Variants in NRG3 observed in about 807,000 individuals in gnomAD.
NRG3 encodes neuregulin 3, also known as pro-neuregulin-3, membrane-bound isoform.
Under a neutral mutation model 66.9 loss-of-function variants are expected in NRG3, and 31 were observed. The observed-to-expected ratio is 0.46, with a 90% confidence interval of 0.35 to 0.63. The LOEUF (loss-of-function observed/expected upper bound fraction) is 0.63. Among genes scored for constraint, NRG3 ranks in the 20% least tolerant of loss-of-function variants. The pLI is 0.00. For missense variants in NRG3, 910 were observed against 878.9 expected (o/e 1.04, Z -0.45); for synonymous variants, 393 against 359.4 (o/e 1.09, Z -1.06).
chr10:82,029,906 A>T (rs899998315), intron 1 of NRG3, among the ~76,000 whole-genome samples: 1 of 152,122 alleles, frequency 6.6e-6, no homozygotes, highest in Non-Finnish European at 1.5e-5. Flanking sequence ...AGGAATTATA[A>T]TTGGCCTTAG....
intron 1 of NRG3, among the ~76,000 whole-genome samples, chr10:82,202,560 C>T (rs1433911952): frequency 3.3e-5 from 5 of 151,888 alleles, no homozygotes; most frequent in African/African-American, 1.2e-4. Flanking sequence ...TTCTATTTTA[C>T]AAATTACACT....
intron 2 of NRG3, among the ~76,000 whole-genome samples, chr10:82,465,354 G>A (rs922570665): frequency 2.0e-5 from 3 of 152,142 alleles, no homozygotes; most frequent in African/African-American, 7.2e-5. Flanking sequence ...AATTCCAAGT[G>A]GGCCAATTTC....
chr10:82,654,577 A>G (rs527518124), intron 2 of NRG3, among the ~76,000 whole-genome samples: 63 of 152,370 alleles, frequency 4.1e-4, no homozygotes, highest in African/African-American at 1.5e-3. Flanking sequence ...CAAATAATTA[A>G]TAAGTGAATG....
At chr10:82,489,460 A>T (rs1189308114) in intron 2 of NRG3, among the ~76,000 whole-genome samples, 1 of 152,216 alleles carries the variant, frequency 6.6e-6, no homozygotes, top group Non-Finnish European at 1.5e-5. Flanking sequence ...CAAGAAAATC[A>T]GAGCCTGGGT....
intron 4 of NRG3, among the ~76,000 whole-genome samples, chr10:82,896,583 A>G (rs1169575696): frequency 6.6e-6 from 1 of 152,254 alleles, no homozygotes. Context: ...ACATGAAAAT[A>G]AATGTGAACA....
At chr10:82,289,620 A>T (rs1480153868) in intron 1 of NRG3, among the ~76,000 whole-genome samples, 1 of 152,160 alleles carries the variant, frequency 6.6e-6, no homozygotes, top group East Asian at 1.9e-4. Context: ...AATAATATTC[A>T]TTTCCTCCAG....
intron 1 of NRG3, among the ~76,000 whole-genome samples, chr10:82,035,591 C>G (rs941592227): frequency 2.6e-5 from 4 of 151,858 alleles, no homozygotes; most frequent in African/African-American, 9.7e-5. Context: ...AATATTTCAC[C>G]ATGTATGAAT....
At chr10:82,220,410 C>T (rs2075885628) in intron 1 of NRG3, among the ~76,000 whole-genome samples, 1 of 151,974 alleles carries the variant, frequency 6.6e-6, no homozygotes, top group African/African-American at 2.4e-5. Flanking sequence ...TGTCTGTGAG[C>T]CTAGAGTGAA....
chr10:82,466,135 G>A (rs971714191), intron 2 of NRG3, among the ~76,000 whole-genome samples: 3 of 152,112 alleles, frequency 2.0e-5, no homozygotes, highest in Non-Finnish European at 2.9e-5. Context: ...TCTCTTCAGT[G>A]AATAATTCAA....
chr10:82,612,146 T>C (rs1375793518), intron 2 of NRG3, among the ~76,000 whole-genome samples: 1 of 152,208 alleles, frequency 6.6e-6, no homozygotes, highest in Non-Finnish European at 1.5e-5. Flanking sequence ...TTAAATTCTT[T>C]GTAGATTCTG....
rs139747339 is a variant in NRG3, at chr10:81,946,423, G to A, written c.823+70260G>A. The stretch of plus-strand genomic sequence containing the variant: ...ACCCTAGGAAACTAATATAGATGGT[G>A]GTTTTATTAAGAAAAAGAAAAATAA... On this transcript the variant is annotated intron_variant, in intron 1 of 8. Coordinates refer to ENST00000372141, the MANE Select transcript of NRG3 (RefSeq NM_001010848.4). 9.2e-3 allele frequency among the ~76,000 whole-genome samples: 1,396 copies of A among 152,102 alleles called. 15 individuals are homozygous for A. Among genetic ancestry groups the A allele is most frequent in the Non-Finnish European group, 0.011 (745 of 67,984 alleles).
At chr10:82,459,176 C>T (rs982110315) in intron 2 of NRG3, among the ~76,000 whole-genome samples, 10 of 152,210 alleles carry the variant, frequency 6.6e-5, no homozygotes, top group African/African-American at 2.4e-4. Context: ...TACCTGCATA[C>T]TACCGTGAGC....
chr10:82,951,915 C>A (rs2132364635), intron 5 of NRG3, among the ~76,000 whole-genome samples: 1 of 152,336 alleles, frequency 6.6e-6, no homozygotes, highest in East Asian at 1.9e-4. Flanking sequence ...GCTAACTCTT[C>A]TGAACAAAGG....
chr10:82,555,848 T>A (rs1184318191), intron 2 of NRG3, among the ~76,000 whole-genome samples: 1 of 152,204 alleles, frequency 6.6e-6, no homozygotes, highest in Non-Finnish European at 1.5e-5. Flanking sequence ...AAAAATCTTA[T>A]TTCCTTCTCA....
At chr10:81,958,335 A>T (rs1850035077) in intron 1 of NRG3, among the ~76,000 whole-genome samples, 1 of 152,206 alleles carries the variant, frequency 6.6e-6, no homozygotes, top group Non-Finnish European at 1.5e-5. Flanking sequence ...ACACGTTTAT[A>T]AGCTATTGTT....
intron 1 of NRG3, among the ~76,000 whole-genome samples, chr10:82,330,039 A>G (rs905191922): frequency 1.4e-4 from 22 of 152,216 alleles, no homozygotes; most frequent in African/African-American, 4.8e-4. Flanking sequence ...TCATTACAGC[A>G]AAGAAAATTT....
chr10:82,033,283 G>A (rs567807493), intron 1 of NRG3, among the ~76,000 whole-genome samples: 1 of 152,100 alleles, frequency 6.6e-6, no homozygotes, highest in Non-Finnish European at 1.5e-5. Context: ...CTGGAATAAT[G>A]TACCGTAGAC....
chr10:82,639,470 T>C (rs1331084105), intron 2 of NRG3, among the ~76,000 whole-genome samples: 1 of 152,190 alleles, frequency 6.6e-6, no homozygotes, highest in Non-Finnish European at 1.5e-5. Flanking sequence ...TATTTACCCA[T>C]GCAAATAACA....
chr10:82,473,345 G>T (rs773222054), intron 2 of NRG3, among the ~76,000 whole-genome samples: 3 of 152,184 alleles, frequency 2.0e-5, no homozygotes, highest in Non-Finnish European at 4.4e-5. Flanking sequence ...TAGACCAAAT[G>T]CAGCCAGCGT....
Sources: gnomAD v4.1 joint callset for allele counts (sites outside exome capture counted in the v4.1 genomes callset) on GRCh38, gnomAD v4.1.1 for gene constraint, MANE v1.5 for transcripts, NCBI Gene and HGNC (gene_info 2026-07-23, HGNC 2026-07-21) for gene names.